BAZ1A: variants seen among roughly 807,000 people sequenced by gnomAD.
BAZ1A encodes bromodomain adjacent to zinc finger domain protein 1A.
In BAZ1A, 50 loss-of-function variants were observed where a neutral mutation model predicts 185.2. That is an observed-to-expected ratio of 0.27 (90% CI 0.22 to 0.34). The LOEUF (loss-of-function observed/expected upper bound fraction) is 0.34. BAZ1A is among the 10% of genes least tolerant of loss of function. The probability of loss-of-function intolerance (pLI) is 1.00; values close to 1 mark genes in which losing one functional copy is unlikely to be tolerated. For synonymous variants in BAZ1A, 571 were observed against 615.6 expected, an observed-to-expected ratio of 0.93 and a Z score of 1.07; for missense variants, 1,356 against 1,839.9, an observed-to-expected ratio of 0.74 and a Z score of 4.81.
chr14:34,762,354 C>T (rs1422179125), intron 23 of BAZ1A, 131 bp from the exon 24 acceptor site: 2 of 783,042 alleles, frequency 2.6e-6, no homozygotes, highest in Non-Finnish European at 4.0e-6. Context: ...TTATCCTAGA[C>T]TCAATTCCTT....
intron 15 of BAZ1A, among the ~76,000 whole-genome samples, chr14:34,783,532 G>A (rs1255946287): frequency 1.3e-5 from 2 of 151,826 alleles, no homozygotes; most frequent in African/African-American, 4.8e-5. Context: ...GATGGGATTT[G>A]GCCATGTTGG....
intron 3 of BAZ1A, among the ~76,000 whole-genome samples, chr14:34,858,725 G>C (rs2042723273): frequency 6.6e-6 from 1 of 151,720 alleles, no homozygotes; most frequent in Non-Finnish European, 1.5e-5. Context: ...GTTGGGGCGA[G>C]GGTGGGGAGG....
chr14:34,802,815 TA>T, intron 7 of BAZ1A, 38 bp downstream of exon 7: 1 of 1,578,042 alleles, frequency 6.3e-7, no homozygotes, highest in Non-Finnish European at 8.7e-7. Context: ...ACTGTTTTAC[TA>T]ACAGTGAAAA....
At chr14:34,866,961 T>TAA (rs10635851) in intron 2 of BAZ1A, among the ~76,000 whole-genome samples, 79,219 of 148,070 alleles carry the variant, frequency 0.54, 22,064 homozygotes, top group Non-Finnish European at 0.64. Flanking sequence ...CATTCTTCTT[T>TAA]AAAAAAAAAA....
intron 17 of BAZ1A, among the ~76,000 whole-genome samples, chr14:34,777,657 AAAG>A: frequency 6.6e-6 from 1 of 151,416 alleles, no homozygotes; most frequent in African/African-American, 2.4e-5. Context: ...AAAAAAAAAA[AAAG>A]GGAAAATTCC....
chr14:34,764,868 G>A lies in BAZ1A; in HGVS notation c.3615C>T (p.Ser1205=). The A allele has an allele frequency of 1.2e-6, 2 of 1,614,112 alleles. No homozygotes were observed. Among genetic ancestry groups the A allele is most frequent in the Non-Finnish European group, 1.7e-6 (2 of 1,180,018 alleles). ...CRPKQRSRRL[S]SRQRPSLESD... ...TTTCCAAGGATGGTCTCTGTCTAGAGGAGAGTCTTCTAGAACGTTGCTTTG... is the reference window on the plus strand; with the variant it reads ...TTTCCAAGGATGGTCTCTGTCTAGAAGAGAGTCTTCTAGAACGTTGCTTTG... The change falls in exon 23 of 27, where the codon TCC becomes TCT. Residue 1205 remains serine, a synonymous_variant. Transcript: ENST00000360310.
intron 3 of BAZ1A, among the ~76,000 whole-genome samples, chr14:34,842,902 T>C (rs1213374642): frequency 1.3e-5 from 2 of 151,870 alleles, no homozygotes; most frequent in Non-Finnish European, 2.9e-5. Context: ...TAATAGTACA[T>C]GTATGCTCTC....
chr14:34,831,195 G>A (rs2042237588), intron 3 of BAZ1A, among the ~76,000 whole-genome samples: 1 of 152,052 alleles, frequency 6.6e-6, no homozygotes, highest in Non-Finnish European at 1.5e-5. Flanking sequence ...TATTCTCCTA[G>A]GAACTTTATT....
chr14:34,852,868 A>G (rs1050764831), intron 3 of BAZ1A, among the ~76,000 whole-genome samples: 16 of 152,164 alleles, frequency 1.1e-4, no homozygotes, highest in Admixed American at 1.0e-3. Context: ...ACCCAAAACC[A>G]AGAGCACAGT....
In BAZ1A at chr14:34,762,028, T is replaced by C; in HGVS notation, c.3972A>G (p.Thr1324=). Residue 1324 remains threonine, a synonymous_variant, in exon 24 of 27, where the codon ACA becomes ACG. Transcript: ENST00000360310. ...TGGCAATTCTTAAAGATTTTGTTTC[T>C]GTAGGAGGAGCAGAGTTTATCTTTC... ...SLRKINSAPP[T]ETKSLRIASR... The C allele has an allele frequency of 1.2e-6, 2 of 1,614,234 alleles. No individual in the cohort carries two copies. The highest frequency in any genetic ancestry group is 1.1e-5 in the South Asian group (1 of 91,084).
At chr14:34,795,010 C>A in intron 10 of BAZ1A, 123 bp from the exon 11 acceptor site, 1 of 1,297,950 alleles carries the variant, frequency 7.7e-7, no homozygotes, top group Non-Finnish European at 1.0e-6. Context: ...GGTTCTCAAC[C>A]CTTGCTGTTT....
At chr14:34,759,255 A>C (rs1886420302) in intron 24 of BAZ1A, among the ~76,000 whole-genome samples, 1 of 133,716 alleles carries the variant, frequency 7.5e-6, no homozygotes, top group African/African-American at 2.9e-5. Flanking sequence ...ATCTTGGCTC[A>C]CTGAAAGCTC....
At position 34,776,226 on chromosome 14, in the gene BAZ1A, T is replaced by A; in HGVS notation, c.2526A>T (p.Ser842=). ...LTEDMLLPRP[S]SFQNNVQSQD... ...GAGACTGTACATTATTCTGAAATGA[T>A]GAAGGTCTAGGCAACAGCATGTCTT... is the stretch of plus-strand genomic sequence containing the variant. The change falls in exon 18 of 27, where the codon TCA becomes TCT. Residue 842 remains serine, a synonymous_variant. Transcript: ENST00000360310. The A allele has an allele frequency of 6.2e-7, 1 of 1,614,138 alleles. No homozygotes were observed.
intron 4 of BAZ1A, among the ~76,000 whole-genome samples, chr14:34,820,023 T>C (rs867450489): frequency 1.3e-5 from 2 of 152,292 alleles, no homozygotes; most frequent in East Asian, 3.9e-4. Context: ...TAATGACATA[T>C]GATGTTGAAC....
intron 4 of BAZ1A, among the ~76,000 whole-genome samples, chr14:34,819,136 G>C (rs1279648815): frequency 3.7e-5 from 2 of 53,464 alleles, no homozygotes; most frequent in Non-Finnish European, 6.3e-5. Context: ...GCAAGACTCT[G>C]TCTCAAAAAA....
rs1263875308 is a variant in BAZ1A at position 34,771,737 on chromosome 14, A to C, written c.3153-78T>G. 3 of 1,326,166 alleles carry C rather than the reference A, an allele frequency of 2.3e-6. No individual in the cohort carries two copies. The Admixed American group carries it at 6.4e-5, about 28-fold the overall frequency. The allele number at this position is 1,326,166 out of a possible 1,614,324, so 82.1% of individuals were successfully genotyped here. A position where few individuals can be genotyped will look rare whatever the true frequency, so the allele number is the denominator to read the frequency against. On this transcript the variant is annotated intron_variant, in intron 20 of 26. Transcript: ENST00000360310. ...AACTTGAGTCCATTCATTGGTTCAA[A>C]TGCTTATTTATACCTTTGTAAAAAA...
chr14:34,805,898 T>C (rs533815182), intron 6 of BAZ1A, among the ~76,000 whole-genome samples: 58 of 151,888 alleles, frequency 3.8e-4, no homozygotes, highest in African/African-American at 7.2e-4. Context: ...TTTTTTTTTT[T>C]CCCTTAGACG....
chr14:34,836,990 C>T (rs1042142455), intron 3 of BAZ1A, among the ~76,000 whole-genome samples: 1 of 150,318 alleles, frequency 6.7e-6, no homozygotes, highest in Non-Finnish European at 1.5e-5. Context: ...CCAGGCTGGC[C>T]TCAAACTCCT....
intron 2 of BAZ1A, among the ~76,000 whole-genome samples, chr14:34,872,562 C>T (rs1174907352): frequency 6.6e-6 from 1 of 152,124 alleles, no homozygotes; most frequent in African/African-American, 2.4e-5. Flanking sequence ...GATTGTGCCA[C>T]TGCACTCCAG....
Sources: gnomAD v4.1 joint callset for allele counts (sites outside exome capture counted in the v4.1 genomes callset) on GRCh38, gnomAD v4.1.1 for gene constraint, MANE v1.5 for transcripts, NCBI Gene and HGNC (gene_info 2026-07-23, HGNC 2026-07-21) for gene names.